The following ESR1 variants were observed in gnomAD, a reference collection of about 807,000 sequenced individuals.
The protein encoded by ESR1 is estrogen receptor.
A neutral mutation model predicts 52.7 loss-of-function variants in ESR1; 12 were observed. The observed-to-expected ratio is 0.23, with a 90% CI of 0.15 to 0.37. The LOEUF (loss-of-function observed/expected upper bound fraction) is 0.37. Among genes scored for constraint, ESR1 ranks in the 10% least tolerant of loss-of-function variants. The pLI is 1.00. For missense variants in ESR1, 584 were observed against 779.7 expected, an observed-to-expected ratio of 0.75 and a Z score of 2.99; for synonymous variants, 305 against 316.8, an observed-to-expected ratio of 0.96 and a Z score of 0.39.
rs2050900990 is a variant in ESR1 at position 152,099,878 on chromosome 6, G to A, written c.*912G>A. The stretch of plus-strand genomic sequence containing the variant: ...ACTTGGATCTTCCCGGCGTGTGTGT[G>A]CCTTACACAGGGGTGAACTGTTCAC... On this transcript the variant is annotated 3_prime_UTR_variant, in exon 8 of 8. Coordinates refer to ENST00000206249, the MANE Select transcript of ESR1 (RefSeq NM_000125.4). 7 of 397,394 alleles carry A rather than the reference G, an allele frequency of 1.8e-5. No individual in the cohort carries two copies. In the East Asian group the frequency reaches 2.5e-4, roughly 14 times the overall value. 24.6% of individuals were successfully genotyped at this position (397,394 alleles called of 1,614,324 possible).
chr6:151,910,169 C>T (rs915911196), intron 3 of ESR1, among the ~76,000 whole-genome samples: 1 of 151,462 alleles, frequency 6.6e-6, no homozygotes, highest in Admixed American at 6.6e-5. Flanking sequence ...ATTTTGATAG[C>T]CACTAGCCAC....
chr6:151,941,043 T>C (rs910353025), intron 3 of ESR1, among the ~76,000 whole-genome samples: 1 of 152,202 alleles, frequency 6.6e-6, no homozygotes, highest in African/African-American at 2.4e-5. Flanking sequence ...TTAACCTAAG[T>C]GCTGTTCTTT....
At chr6:152,127,050 A>G (rs2053707987) in exon 7 of ESR1, 2 of 152,140 alleles carry the variant, frequency 1.3e-5, no homozygotes, top group Admixed American at 1.3e-4. Context: ...TTTCCTGGAT[A>G]TATGGTTCAG....
At chr6:152,018,886 ACTCTGTT>A (rs1447031273) in intron 5 of ESR1, among the ~76,000 whole-genome samples, 20 of 151,784 alleles carry the variant, frequency 1.3e-4, no homozygotes, top group Admixed American at 3.9e-4. Flanking sequence ...AATGTATAGG[ACTCTGTT>A]CTGGGTTGTC....
At chr6:152,118,018 T>G (rs1183187934) in intron 6 of ESR1, among the ~76,000 whole-genome samples, 1 of 152,184 alleles carries the variant, frequency 6.6e-6, no homozygotes, top group Admixed American at 6.5e-5. Context: ...TATACCTAAG[T>G]GAAAAATTGC....
chr6:152,102,736 AC>A lies in ESR1; in HGVS notation c.*3771del, dbSNP rs1342906378. 9.1e-6 allele frequency: 2 copies of A among 218,904 alleles called. No homozygotes were observed. The highest frequency in any genetic ancestry group is 4.5e-5 in the African/African-American group (2 of 44,508). The allele number at this position is 218,904 out of a possible 1,614,324, so 13.6% of individuals were successfully genotyped here. A position where few individuals can be genotyped will look rare whatever the true frequency, so the allele number is the denominator to read the frequency against. ...CTCTATTATGGCACTTCAATTTTGC[AC>A]TGTCTTTTGAGATTCAAGAAAAATT... On this transcript the variant is annotated 3_prime_UTR_variant, in exon 8 of 8. Transcript: ENST00000206249.
chr6:151,930,753 A>AT (rs879870863), intron 3 of ESR1, among the ~76,000 whole-genome samples: 52 of 151,474 alleles, frequency 3.4e-4, no homozygotes, highest in South Asian at 1.0e-3. Flanking sequence ...TTTTTGTCTG[A>AT]TTTTTTTTTA....
At chr6:152,037,569 A>G (rs2045417411) in intron 5 of ESR1, among the ~76,000 whole-genome samples, 1 of 152,190 alleles carries the variant, frequency 6.6e-6, no homozygotes, top group Non-Finnish European at 1.5e-5. Context: ...GTTTTTTAAA[A>G]AGCCTTAGAG....
chr6:151,670,066 C>A (rs561604793), intron 1 of ESR1, among the ~76,000 whole-genome samples: 1 of 152,276 alleles, frequency 6.6e-6, no homozygotes, highest in South Asian at 2.1e-4. Flanking sequence ...CCTCCAAAGG[C>A]CACCAGGGCC....
rs369261131 is a variant in ESR1, at chr6:151,708,308, C to T, written c.-71+6303C>T. On this transcript the variant is annotated intron_variant, in intron 2 of 2. Transcript: ENST00000404742. ...CAGTATAAATTTACTATAACTTATT[C>T]AAGTAATCTGCTTTCAGCTGATACT... Among the ~76,000 whole-genome samples the T allele has an allele frequency of 2.0e-5, 3 of 152,188 alleles. No individual in the cohort carries two copies. The East Asian group carries it at 5.8e-4, about 29-fold the overall frequency.
intron 2 of ESR1, among the ~76,000 whole-genome samples, chr6:151,844,308 G>A (rs1784774174): frequency 6.6e-6 from 1 of 152,170 alleles, no homozygotes; most frequent in Non-Finnish European, 1.5e-5. Flanking sequence ...TGGTTTTACT[G>A]TTTATTTGAT....
At chr6:151,907,552 T>C (rs1261185880) in intron 3 of ESR1, among the ~76,000 whole-genome samples, 1 of 152,160 alleles carries the variant, frequency 6.6e-6, no homozygotes, top group Non-Finnish European at 1.5e-5. Context: ...TGCCTCTTCA[T>C]TCAACATTTT....
downstream of ESR1, among the ~76,000 whole-genome samples, chr6:152,107,613 T>C (rs1260331633): frequency 6.6e-6 from 1 of 152,352 alleles, no homozygotes; most frequent in East Asian, 1.9e-4. Flanking sequence ...ATAGTTTCTT[T>C]TGACCTCTGC....
At chr6:151,661,359 G>A (rs895857472) in intron 1 of ESR1, among the ~76,000 whole-genome samples, 2 of 152,212 alleles carry the variant, frequency 1.3e-5, no homozygotes, top group African/African-American at 4.8e-5. Flanking sequence ...GGCAAGTGGA[G>A]GGTAAAGTTT....
chr6:151,844,989 A>G (rs1045997555), intron 2 of ESR1, among the ~76,000 whole-genome samples: 1 of 152,198 alleles, frequency 6.6e-6, no homozygotes, highest in Non-Finnish European at 1.5e-5. Context: ...AAATGAAAAT[A>G]CCAGTTATAA....
chr6:151,916,178 C>G (rs2030121613), intron 3 of ESR1, among the ~76,000 whole-genome samples: 1 of 152,126 alleles, frequency 6.6e-6, no homozygotes, highest in African/African-American at 2.4e-5. Context: ...GAACAAATCA[C>G]AGTATAATAG....
intron 2 of ESR1, among the ~76,000 whole-genome samples, chr6:151,766,247 G>A (rs918345578): frequency 1.3e-5 from 2 of 152,168 alleles, no homozygotes; most frequent in Admixed American, 6.5e-5. Flanking sequence ...AAGAAGGAGC[G>A]ATTCAGAGGT....
intron 4 of ESR1, among the ~76,000 whole-genome samples, chr6:151,973,092 C>T (rs984397593): frequency 1.3e-5 from 2 of 152,158 alleles, no homozygotes; most frequent in African/African-American, 2.4e-5. Context: ...ATGTTAATCT[C>T]CTTTGGCAAC....
At chr6:152,085,363 T>G (rs2049619544) in intron 6 of ESR1, among the ~76,000 whole-genome samples, 1 of 151,848 alleles carries the variant, frequency 6.6e-6, no homozygotes, top group African/African-American at 2.4e-5. Context: ...TGTCCAAGTG[T>G]GTTCTGGTTA....
Sources: allele counts gnomAD v4.1 joint callset (sites outside exome capture counted in the v4.1 genomes callset), GRCh38; gene constraint gnomAD v4.1.1; transcripts MANE v1.5; gene names NCBI Gene and HGNC (gene_info 2026-07-23, HGNC 2026-07-21).